Variants in REEP1 observed in about 807,000 individuals in gnomAD.
The protein encoded by REEP1 is receptor accessory protein 1.
Under a neutral mutation model 40.3 loss-of-function variants are expected in REEP1, and 22 were observed. The ratio of observed to expected loss-of-function variants is 0.55; its 90% CI spans 0.39 to 0.78. The LOEUF is 0.78. Ranked by LOEUF, REEP1 falls within the 30% of genes least tolerant of loss-of-function variation. REEP1 has a pLI of 0.00. For synonymous variants in REEP1, 116 were observed against 139.2 expected (o/e 0.83, Z 1.17); for missense variants, 280 against 361.1 (o/e 0.78, Z 1.82).
intron 5 of REEP1, 140 bp from the exon 6 acceptor site, chr2:86,232,942 T>C (rs537022106): frequency 1.1e-5 from 9 of 833,044 alleles, no homozygotes; most frequent in South Asian, 7.3e-5. Context: ...TGCCCAGACA[T>C]AGCTGCTGGA....
At chr2:86,304,585 T>A (rs1294562938) in intron 1 of REEP1, among the ~76,000 whole-genome samples, 7 of 152,028 alleles carry the variant, frequency 4.6e-5, no homozygotes, top group Admixed American at 3.9e-4. Flanking sequence ...ATTGCTGGAG[T>A]GCTTGTTAAG....
chr2:86,274,131 A>G (rs1361442359), intron 2 of REEP1, among the ~76,000 whole-genome samples: 1 of 152,234 alleles, frequency 6.6e-6, no homozygotes, highest in Non-Finnish European at 1.5e-5. Context: ...GCTCCCTATG[A>G]GTGCCTACTG....
At chr2:86,318,963 T>C (rs1389866462) in intron 1 of REEP1, among the ~76,000 whole-genome samples, 1 of 152,214 alleles carries the variant, frequency 6.6e-6, no homozygotes, top group East Asian at 1.9e-4. Flanking sequence ...ATAATATTTG[T>C]AAACATTGAT....
At chr2:86,270,759 C>T (rs1242767268) in intron 2 of REEP1, among the ~76,000 whole-genome samples, 1 of 152,022 alleles carries the variant, frequency 6.6e-6, no homozygotes, top group East Asian at 1.9e-4. Flanking sequence ...GATTGGAAAA[C>T]AACACTGAGA....
intron 7 of REEP1, among the ~76,000 whole-genome samples, chr2:86,224,300 G>A (rs1244544227): frequency 6.6e-6 from 1 of 152,208 alleles, no homozygotes; most frequent in South Asian, 2.1e-4. Flanking sequence ...GGACCAGGAG[G>A]AAAGTGTCCC....
At chr2:86,335,621 C>G (rs142594330) in intron 1 of REEP1, among the ~76,000 whole-genome samples, 2 of 152,088 alleles carry the variant, frequency 1.3e-5, no homozygotes, top group Non-Finnish European at 2.9e-5. Context: ...GAGGCCGAAG[C>G]GGGCGGATCA....
At chr2:86,245,972 G>T (rs1043320089) in intron 5 of REEP1, among the ~76,000 whole-genome samples, 1 of 152,142 alleles carries the variant, frequency 6.6e-6, no homozygotes, top group South Asian at 2.1e-4. Context: ...CACCATGTTA[G>T]CCAGGATGGT....
intron 1 of REEP1, among the ~76,000 whole-genome samples, chr2:86,302,243 AC>A (rs1679285948): frequency 6.6e-6 from 1 of 152,176 alleles, no homozygotes; most frequent in Non-Finnish European, 1.5e-5. Flanking sequence ...CTGAGGGCCA[AC>A]CTCCCAGCCT....
In REEP1 at chr2:86,215,417, T is replaced by C. The variant is rs1674052714; in HGVS notation, c.*1622A>G. 6.6e-6 allele frequency: 1 copy of C among 152,488 alleles called. No homozygotes were observed. The highest frequency in any genetic ancestry group is 2.4e-5 in the African/African-American group (1 of 41,450). 9.4% of individuals were successfully genotyped at this position (152,488 alleles called of 1,614,324 possible). A position where few individuals can be genotyped will look rare whatever the true frequency, so the allele number is the denominator to read the frequency against. On this transcript the variant is annotated 3_prime_UTR_variant, in exon 9 of 9. Transcript: ENST00000538924. Reference sequence around the variant, plus strand: ...GTGTCATCAGCAAAGGCCTCTAATATGTGTTTGCGTAGTAATGGAACAGTT... The same window carrying C: ...GTGTCATCAGCAAAGGCCTCTAATACGTGTTTGCGTAGTAATGGAACAGTT...
chr2:86,227,599 A>T (rs965385507), intron 6 of REEP1, among the ~76,000 whole-genome samples: 2 of 152,146 alleles, frequency 1.3e-5, no homozygotes, highest in African/African-American at 2.4e-5. Flanking sequence ...TGCAGAAGAT[A>T]CCCTCACCTG....
chr2:86,262,335 AGGGAT>A (rs1388443219), intron 3 of REEP1, among the ~76,000 whole-genome samples: 1 of 152,240 alleles, frequency 6.6e-6, no homozygotes, highest in African/African-American at 2.4e-5. Context: ...CGGGGAGACA[AGGGAT>A]GGCTCAGCAG....
intron 2 of REEP1, among the ~76,000 whole-genome samples, chr2:86,275,215 G>A (rs1677691938): frequency 6.6e-6 from 1 of 150,842 alleles, no homozygotes; most frequent in African/African-American, 2.5e-5. Context: ...TATATAGTCA[G>A]GGGTGACCCT....
intron 2 of REEP1, among the ~76,000 whole-genome samples, chr2:86,277,951 C>A (rs1244290482): frequency 6.6e-6 from 1 of 152,188 alleles, no homozygotes; most frequent in Non-Finnish European, 1.5e-5. Flanking sequence ...CTGATCTCCC[C>A]ATCCCACCCT....
chr2:86,260,332 C>T (rs1454984037), intron 3 of REEP1, among the ~76,000 whole-genome samples: 2 of 152,136 alleles, frequency 1.3e-5, no homozygotes, highest in Non-Finnish European at 2.9e-5. Context: ...CCTGGACACC[C>T]CCAGCTAAGA....
rs1326975214 is a variant in REEP1, at chr2:86,214,429, C to T, written c.*2610G>A. The T allele has an allele frequency of 6.6e-6, 1 of 152,658 alleles. No homozygotes were observed. The highest frequency in any genetic ancestry group is 2.4e-5 in the African/African-American group (1 of 41,466). 9.5% of individuals were successfully genotyped at this position (152,658 alleles called of 1,614,324 possible). A position where few individuals can be genotyped will look rare whatever the true frequency, so the allele number is the denominator to read the frequency against. ...AACTCTCCAGTTTATAAGCACAAGT[C>T]CACATCTCACCTCCTCAGAACAGGT... On this transcript the variant is annotated 3_prime_UTR_variant, in exon 9 of 9. Transcript: ENST00000538924.
intron 1 of REEP1, among the ~76,000 whole-genome samples, chr2:86,287,097 A>AT (rs559163445): frequency 2.4e-4 from 36 of 151,498 alleles, no homozygotes; most frequent in Middle Eastern, 6.8e-3. Flanking sequence ...TTATTTCATA[A>AT]TTTTTTTTTG....
At chr2:86,243,379 C>T (rs886393206) in intron 5 of REEP1, among the ~76,000 whole-genome samples, 1 of 152,218 alleles carries the variant, frequency 6.6e-6, no homozygotes, top group African/African-American at 2.4e-5. Flanking sequence ...GCAGGCTTCC[C>T]TCTTTCCTCT....
chr2:86,264,257 C>G (rs996042507), intron 2 of REEP1, among the ~76,000 whole-genome samples: 2 of 152,136 alleles, frequency 1.3e-5, no homozygotes, highest in African/African-American at 4.8e-5. Context: ...CTGACTCAGG[C>G]TGAAGGTCAT....
At chr2:86,234,186 AG>A (rs1169049240) in intron 5 of REEP1, among the ~76,000 whole-genome samples, 1 of 151,810 alleles carries the variant, frequency 6.6e-6, no homozygotes, top group Admixed American at 6.6e-5. Flanking sequence ...ATTAGAGGGG[AG>A]GGGGAAAAAA....
Sources: allele counts gnomAD v4.1 joint callset (sites outside exome capture counted in the v4.1 genomes callset), GRCh38; gene constraint gnomAD v4.1.1; transcripts MANE v1.5; gene names NCBI Gene and HGNC (gene_info 2026-07-23, HGNC 2026-07-21).